Variants in PDE8B observed in about 807,000 individuals in gnomAD.
PDE8B encodes the protein high affinity cAMP-specific and IBMX-insensitive 3',5'-cyclic phosphodiesterase 8B.
Under a neutral mutation model 101.3 loss-of-function variants are expected in PDE8B, and 26 were observed. That is an observed-to-expected ratio of 0.26 (90% CI 0.19 to 0.36). The LOEUF (loss-of-function observed/expected upper bound fraction) is 0.36, where lower values mean the gene tolerates loss of function less well. Among genes scored for constraint, PDE8B ranks in the 10% least tolerant of loss-of-function variants. PDE8B has a pLI of 1.00. For missense variants in PDE8B, 810 were observed against 1,163.1 expected (o/e 0.70, Z 4.42); for synonymous variants, 424 against 429.3 (o/e 0.99, Z 0.15).
chr5:77,400,579 C>T (rs62362504), intron 11 of PDE8B, among the ~76,000 whole-genome samples: 3 of 152,160 alleles, frequency 2.0e-5, no homozygotes, highest in African/African-American at 7.2e-5. Flanking sequence ...AGAGAGTGGG[C>T]CGAAAGTCTA....
chr5:77,371,651 C>T (rs1319725285), intron 10 of PDE8B, among the ~76,000 whole-genome samples: 1 of 152,102 alleles, frequency 6.6e-6, no homozygotes, highest in African/African-American at 2.4e-5. Context: ...TTTAGGATTA[C>T]ATTGATGCTG....
intron 15 of PDE8B, 83 bp from the exon 16 acceptor site, chr5:77,412,017 G>A (rs763225406): frequency 5.0e-6 from 7 of 1,404,790 alleles, no homozygotes; most frequent in South Asian, 1.2e-5. Context: ...TTTTCTAGTA[G>A]TAACTATGAA....
At chr5:77,340,136 A>G (rs1159824315) in intron 6 of PDE8B, among the ~76,000 whole-genome samples, 2 of 152,244 alleles carry the variant, frequency 1.3e-5, no homozygotes, top group African/African-American at 4.8e-5. Flanking sequence ...GCTGATCGAT[A>G]TATACTAATG....
At chr5:77,420,859 ACAGT>A (rs923894470) in intron 19 of PDE8B, among the ~76,000 whole-genome samples, 12 of 152,214 alleles carry the variant, frequency 7.9e-5, no homozygotes, top group Admixed American at 3.3e-4. Context: ...TTTATAGTAA[ACAGT>A]ATTACTTTGA....
chr5:77,207,953 T>C (rs1747638610), upstream of PDE8B, among the ~76,000 whole-genome samples: 1 of 152,236 alleles, frequency 6.6e-6, no homozygotes. Flanking sequence ...TCCCCTTCTA[T>C]CTTCTATTCC....
chr5:77,381,895 C>A (rs1311628572), intron 10 of PDE8B, among the ~76,000 whole-genome samples: 1 of 152,154 alleles, frequency 6.6e-6, no homozygotes, highest in East Asian at 1.9e-4. Context: ...ATACACAATT[C>A]CCTAGTTATG....
intron 4 of PDE8B, 157 bp from the exon 5 acceptor site, chr5:77,331,243 CTG>C (rs1777061200): frequency 1.3e-6 from 1 of 752,376 alleles, no homozygotes; most frequent in African/African-American, 1.7e-5. Context: ...GATGTGGGGT[CTG>C]TATCCTTGAA....
At chr5:77,097,707 C>CTATATATATA in the PDE8B span, among the ~76,000 whole-genome samples, 43 of 20,654 alleles carry the variant, frequency 2.1e-3, no homozygotes, top group Non-Finnish European at 3.7e-3. Flanking sequence ...ATATATATAT[C>CTATATATATA]TATATATATA....
intron 10 of PDE8B, among the ~76,000 whole-genome samples, chr5:77,378,974 A>C (rs747850010): frequency 2.0e-4 from 30 of 151,410 alleles, no homozygotes; most frequent in Non-Finnish European, 3.8e-4. Context: ...CATTAGAGAG[A>C]AACTAGACAA....
intron 9 of PDE8B, among the ~76,000 whole-genome samples, chr5:77,352,667 C>A (rs1781375318): frequency 6.6e-6 from 1 of 152,162 alleles, no homozygotes; most frequent in Non-Finnish European, 1.5e-5. Flanking sequence ...GAGTGGGATA[C>A]CCCACGGGCT....
the PDE8B span, among the ~76,000 whole-genome samples, chr5:77,155,666 G>A: frequency 1.1e-4 from 17 of 152,212 alleles, no homozygotes; most frequent in East Asian, 3.3e-3. Flanking sequence ...CACTGAGGTA[G>A]GTGCTGTCAT....
chr5:77,220,031 G>A (rs890368541), intron 1 of PDE8B, among the ~76,000 whole-genome samples: 1 of 152,182 alleles, frequency 6.6e-6, no homozygotes, highest in Admixed American at 6.5e-5. Flanking sequence ...CACCTAGGCG[G>A]GTAAGTTTTC....
At chr5:77,273,245 T>C (rs35407074) in intron 1 of PDE8B, among the ~76,000 whole-genome samples, 3 of 152,228 alleles carry the variant, frequency 2.0e-5, no homozygotes, top group Non-Finnish European at 4.4e-5. Flanking sequence ...TTTAACATTG[T>C]ATCGTTTTTT....
chr5:77,346,810 G>A (rs73136868), intron 7 of PDE8B, among the ~76,000 whole-genome samples: 8,021 of 152,254 alleles, frequency 0.053, 265 homozygotes, highest in African/African-American at 0.081. Context: ...TAAAACAAGA[G>A]GAAGGAGGAA....
At chr5:77,404,498 T>C (rs1475021497) in intron 11 of PDE8B, among the ~76,000 whole-genome samples, 1 of 152,262 alleles carries the variant, frequency 6.6e-6, no homozygotes, top group Non-Finnish European at 1.5e-5. Context: ...TACTATGATA[T>C]AACATGGCAT....
At chr5:77,180,967 CGTGTGTGTGTGTGTGTGTGTGT>C in the PDE8B span, among the ~76,000 whole-genome samples, 3 of 147,536 alleles carry the variant, frequency 2.0e-5, no homozygotes, top group African/African-American at 7.6e-5. Context: ...GGTGTGTACA[CGTGTGTGTGTGTGTGTGTGTGT>C]GTGTGTGTGT....
intron 1 of PDE8B, chr5:77,290,723 G>T: frequency 6.7e-7 from 1 of 1,496,350 alleles, no homozygotes. Flanking sequence ...CACTGATTGA[G>T]CAGTGGAATC....
At chr5:77,136,335 T>C in the PDE8B span, among the ~76,000 whole-genome samples, 1 of 152,254 alleles carries the variant, frequency 6.6e-6, no homozygotes, top group Admixed American at 6.5e-5. Flanking sequence ...CTGTCTTTCA[T>C]GTAAGGAAAC....
intron 1 of PDE8B, among the ~76,000 whole-genome samples, chr5:77,246,469 A>G (rs971527662): frequency 6.6e-6 from 1 of 152,212 alleles, no homozygotes; most frequent in African/African-American, 2.4e-5. Context: ...CTATTTTTGT[A>G]TGGCTCATGA....
Sources: gnomAD v4.1 joint callset for allele counts (sites outside exome capture counted in the v4.1 genomes callset) on GRCh38, gnomAD v4.1.1 for gene constraint, MANE v1.5 for transcripts, NCBI Gene and HGNC (gene_info 2026-07-23, HGNC 2026-07-21) for gene names.